MGST1: variants seen among roughly 807,000 people sequenced by gnomAD.
The protein encoded by MGST1 is glutathione S-transferase 12.
MGST1 carries 5 observed loss-of-function variants against 8.9 expected under a neutral mutation model. The observed-to-expected ratio is 0.56, with a 90% CI of 0.29 to 1.19. The LOEUF (loss-of-function observed/expected upper bound fraction) is 1.19, where lower values mean the gene tolerates loss of function less well. Among genes scored for constraint, MGST1 ranks in the 50% most tolerant of loss-of-function variants. MGST1 has a pLI of 0.08. For synonymous variants in MGST1, 54 were observed against 67.8 expected, an observed-to-expected ratio of 0.80 and a Z score of 1.00; for missense variants, 182 against 187.4, an observed-to-expected ratio of 0.97 and a Z score of 0.17.
chr12:16,519,179 G>A (rs1340109301), intron 4 of MGST1, among the ~76,000 whole-genome samples: 1 of 152,160 alleles, frequency 6.6e-6, no homozygotes, highest in South Asian at 2.1e-4. Flanking sequence ...CTGTAAAGCA[G>A]AACTGGTAAT....
At chr12:16,419,948 C>A (rs1940819869) in intron 1 of MGST1, among the ~76,000 whole-genome samples, 1 of 152,116 alleles carries the variant, frequency 6.6e-6, no homozygotes, top group Non-Finnish European at 1.5e-5. Context: ...GACATATTGG[C>A]AGCCGATGAA....
rs575621200 is a variant in MGST1, at chr12:16,585,440, C to T, written n.483-4088C>T. Among the ~76,000 whole-genome samples, 1 of 152,314 alleles carries T rather than the reference C, an allele frequency of 6.6e-6. No homozygotes were observed. The highest frequency in any genetic ancestry group is 2.1e-4 in the South Asian group (1 of 4,826). ...TATTTTTGCTACCATCTTCATCCTACACAGTGAGCATAAATGTTGTTTCAA... is the reference window on the plus strand; with the variant it reads ...TATTTTTGCTACCATCTTCATCCTATACAGTGAGCATAAATGTTGTTTCAA... On this transcript the variant is annotated intron_variant and non_coding_transcript_variant, in intron 4 of 4. Coordinates refer to the MGST1 transcript ENST00000538857. The surrounding 1 kb of genome is among the most constrained non-coding windows in gnomAD (Gnocchi z 4.7).
At chr12:16,383,320 A>G (rs1296033971) in exon 1 of MGST1, 2 of 151,950 alleles carry the variant, frequency 1.3e-5, no homozygotes, top group African/African-American at 4.8e-5. Context: ...AATATTTTGC[A>G]CTCCACAGAG....
At chr12:16,385,834 T>A (rs1981752) in intron 1 of MGST1, among the ~76,000 whole-genome samples, 1 of 151,900 alleles carries the variant, frequency 6.6e-6, no homozygotes, top group African/African-American at 2.4e-5. Context: ...CTGCTTTTAA[T>A]ACATACAGTT....
chr12:16,592,876 C>T (rs140755232), downstream of MGST1, among the ~76,000 whole-genome samples: 19 of 151,866 alleles, frequency 1.3e-4, no homozygotes, highest in Non-Finnish European at 2.4e-4. Flanking sequence ...ATTTCAAAAA[C>T]AGGTAAATAA....
At chr12:16,380,683 A>G (rs554883993), downstream of MGST1, among the ~76,000 whole-genome samples, 18 of 152,230 alleles carry the variant, frequency 1.2e-4, no homozygotes, top group African/African-American at 4.8e-5. Context: ...GCTGAGTTCA[A>G]TTCCTGGGTA....
downstream of MGST1, among the ~76,000 whole-genome samples, chr12:16,589,914 T>C (rs1378617832): frequency 6.6e-6 from 1 of 152,114 alleles, no homozygotes; most frequent in African/African-American, 2.4e-5. The surrounding 1 kb of genome is among the most constrained non-coding windows in gnomAD (Gnocchi z 4.2). Flanking sequence ...TGTCTCCGTC[T>C]AGCTTTCTGG....
chr12:16,360,674 G>C (rs1939946590), intron 3 of MGST1, among the ~76,000 whole-genome samples: 1 of 152,180 alleles, frequency 6.6e-6, no homozygotes, highest in Non-Finnish European at 1.5e-5. Flanking sequence ...TCATTCAAAA[G>C]ACAAAATAAA....
intron 4 of MGST1, among the ~76,000 whole-genome samples, chr12:16,450,063 G>A (rs1488705559): frequency 6.6e-6 from 1 of 151,916 alleles, no homozygotes; most frequent in South Asian, 2.1e-4. Flanking sequence ...AGTGCCAAGA[G>A]GGACAGATGA....
At chr12:16,501,938 C>G (rs887319284) in intron 4 of MGST1, among the ~76,000 whole-genome samples, 1 of 151,968 alleles carries the variant, frequency 6.6e-6, no homozygotes, top group African/African-American at 2.4e-5. Context: ...CTAAATTATT[C>G]TAGGTTGTGG....
At chr12:16,498,625 T>G (rs1413705282) in intron 4 of MGST1, among the ~76,000 whole-genome samples, 6 of 152,154 alleles carry the variant, frequency 3.9e-5, no homozygotes, top group Non-Finnish European at 8.8e-5. Context: ...AGGCTAATCA[T>G]CTCATTCTTT....
intron 4 of MGST1, among the ~76,000 whole-genome samples, chr12:16,510,117 GCTT>G (rs1591748116): frequency 6.6e-6 from 1 of 152,206 alleles, no homozygotes; most frequent in African/African-American, 2.4e-5. Context: ...GATAATCCTG[GCTT>G]CTTCTTGCTG....
At position 16,369,776 on chromosome 12, in the gene MGST1, G is replaced by C. The variant is rs1285350004; in HGVS notation, c.222-6346G>C. The stretch of plus-strand genomic sequence containing the variant: ...TTCTGATTCTTGCTCCAGTAGGTTA[G>C]CCTGACTGTGCTATCACAGCATAGG... On this transcript the variant is annotated intron_variant, in intron 3 of 3. Coordinates refer to the MGST1 transcript ENST00000535309. This position sits in a 1 kb window ranked among gnomAD's most constrained non-coding sequence, Gnocchi z 4.8. The C allele has an allele frequency of 6.6e-6, 1 of 152,192 alleles. No homozygotes were observed. The highest frequency in any genetic ancestry group is 2.4e-5 in the African/African-American group (1 of 41,438). 9.4% of individuals were successfully genotyped at this position (152,192 alleles called of 1,614,324 possible). A position where few individuals can be genotyped will look rare whatever the true frequency, so the allele number is the denominator to read the frequency against.
At chr12:16,579,593 A>C (rs1428002475) in intron 4 of MGST1, among the ~76,000 whole-genome samples, 1 of 152,228 alleles carries the variant, frequency 6.6e-6, no homozygotes, top group Non-Finnish European at 1.5e-5. Context: ...AATGGCTCTA[A>C]GTAAAGAAAG....
downstream of MGST1, among the ~76,000 whole-genome samples, chr12:16,591,578 T>C (rs1212355632): frequency 6.6e-6 from 1 of 151,986 alleles, no homozygotes; most frequent in Non-Finnish European, 1.5e-5. This position sits in a 1 kb window ranked among gnomAD's most constrained non-coding sequence, Gnocchi z 4.1. Flanking sequence ...ACCTAGAATA[T>C]ACAGAATGAT....
At chr12:16,484,938 G>A (rs1481922517) in intron 4 of MGST1, among the ~76,000 whole-genome samples, 2 of 152,102 alleles carry the variant, frequency 1.3e-5, no homozygotes, top group African/African-American at 2.4e-5. Flanking sequence ...TGATCACTAT[G>A]CCCACTATAT....
At chr12:16,550,150 C>A (rs928107338) in intron 4 of MGST1, 2 of 152,010 alleles carry the variant, frequency 1.3e-5, no homozygotes, top group African/African-American at 4.8e-5. Flanking sequence ...TACTCAAATA[C>A]CATCATAGCT....
chr12:16,471,116 T>G (rs924718946), intron 4 of MGST1, among the ~76,000 whole-genome samples: 2 of 152,216 alleles, frequency 1.3e-5, no homozygotes, highest in Non-Finnish European at 2.9e-5. Flanking sequence ...TGACTGTATT[T>G]AAATAACCAT....
intron 2 of MGST1, among the ~76,000 whole-genome samples, chr12:16,355,368 C>A (rs1939671862): frequency 6.6e-6 from 1 of 151,986 alleles, no homozygotes; most frequent in South Asian, 2.1e-4. Context: ...ACCACCAGGC[C>A]CAGTTGATTT....
Sources: allele counts gnomAD v4.1 joint callset (sites outside exome capture counted in the v4.1 genomes callset), GRCh38; gene constraint gnomAD v4.1.1; non-coding constraint Gnocchi (gnomAD v3.1); transcripts MANE v1.5; gene names NCBI Gene and HGNC (gene_info 2026-07-23, HGNC 2026-07-21).